The following ANO3 variants were observed in gnomAD, a reference collection of about 807,000 sequenced individuals.
ANO3 encodes the protein anoctamin 3.
Under a neutral mutation model 144.8 loss-of-function variants are expected in ANO3, and 99 were observed. That is an observed-to-expected ratio of 0.68 (90% CI 0.58 to 0.81). The LOEUF (loss-of-function observed/expected upper bound fraction) is 0.81. Ranked by LOEUF, ANO3 falls within the 30% of genes least tolerant of loss-of-function variation. ANO3 has a pLI of 0.00. For synonymous variants in ANO3, 414 were observed against 392.6 expected (o/e 1.05, Z -0.64); for missense variants, 905 against 1,202.2 (o/e 0.75, Z 3.66).
chr11:26,515,115 T>C (rs928024244), intron 5 of ANO3, among the ~76,000 whole-genome samples: 4 of 152,086 alleles, frequency 2.6e-5, no homozygotes, highest in Admixed American at 2.6e-4. Context: ...TATATTATGT[T>C]TACTTCTGGC....
intron 1 of ANO3, among the ~76,000 whole-genome samples, chr11:26,412,795 A>AGT (rs60855252): frequency 0.013 from 1,780 of 140,210 alleles, 31 homozygotes; most frequent in African/African-American, 0.037. Context: ...GAGAAAGGAA[A>AGT]GTGTGTGTGT....
In ANO3 at chr11:26,575,999, T is replaced by C. The variant is rs1365785256; in HGVS notation, c.1447+16220T>C. Among the ~76,000 whole-genome samples the C allele has an allele frequency of 2.0e-5, 3 of 152,234 alleles. No individual in the cohort carries two copies. In the East Asian group the frequency reaches 5.8e-4, roughly 29 times the overall value. The stretch of plus-strand genomic sequence containing the variant: ...AATGATACTTTTGCTGACGTGATCA[T>C]AGTCCGCACATGTTAGCAGAAAGAC... On this transcript the variant is annotated intron_variant, in intron 14 of 26. Coordinates refer to ENST00000256737, the MANE Select transcript of ANO3 (RefSeq NM_031418.4).
At chr11:26,472,803 C>T (rs973591531) in intron 4 of ANO3, among the ~76,000 whole-genome samples, 10 of 151,808 alleles carry the variant, frequency 6.6e-5, no homozygotes, top group African/African-American at 1.7e-4. Flanking sequence ...CATGTATTTC[C>T]GCACACAGCC....
At chr11:26,573,859 C>T (rs1451589612) in intron 14 of ANO3, among the ~76,000 whole-genome samples, 1 of 152,082 alleles carries the variant, frequency 6.6e-6, no homozygotes, top group Admixed American at 6.6e-5. Flanking sequence ...GTAAACTGTA[C>T]GTAAATTTAA....
At chr11:26,488,068 A>G (rs1372870601) in intron 4 of ANO3, among the ~76,000 whole-genome samples, 2 of 152,156 alleles carry the variant, frequency 1.3e-5, no homozygotes, top group Non-Finnish European at 2.9e-5. Context: ...GAGGAGGCTG[A>G]AGCAGGAGAA....
chr11:26,616,454 T>TG (rs1438872278), intron 17 of ANO3, among the ~76,000 whole-genome samples: 11 of 129,286 alleles, frequency 8.5e-5, no homozygotes, highest in South Asian at 2.7e-4. Flanking sequence ...TTTTTTTTTT[T>TG]GGTAATTTGT....
intron 1 of ANO3, among the ~76,000 whole-genome samples, chr11:26,346,471 G>C (rs745526496): frequency 1.3e-5 from 2 of 152,120 alleles, no homozygotes; most frequent in Non-Finnish European, 2.9e-5. Flanking sequence ...GACTCTCATT[G>C]CATGCTATTC....
chr11:26,218,764 G>A (rs931931360), intron 1 of ANO3, among the ~76,000 whole-genome samples: 1 of 152,022 alleles, frequency 6.6e-6, no homozygotes, highest in East Asian at 1.9e-4. Flanking sequence ...TTTCTTAAGG[G>A]AAAAAATATA....
intron 17 of ANO3, among the ~76,000 whole-genome samples, chr11:26,610,174 G>A (rs1852055258): frequency 6.6e-6 from 1 of 152,102 alleles, no homozygotes; most frequent in African/African-American, 2.4e-5. Flanking sequence ...GCCTTCCTAA[G>A]TGCTGGGATT....
In ANO3 at chr11:26,453,342, G is replaced by A. The variant is rs199894222; in HGVS notation, c.313+9506G>A. ...GCTGTATTCAGGAAACCCATCTCAC[G>A]TGCAGAGACACACATAGGCTCAAAA... is the stretch of plus-strand genomic sequence containing the variant. On this transcript the variant is annotated intron_variant, in intron 3 of 26. Transcript: ENST00000256737. 9.2e-5 allele frequency among the ~76,000 whole-genome samples: 14 copies of A among 151,660 alleles called. No individual in the cohort carries two copies. In the East Asian group the frequency reaches 1.4e-3, roughly 15 times the overall value.
chr11:26,283,227 C>T (rs66524557), intron 1 of ANO3, among the ~76,000 whole-genome samples: 15,432 of 148,080 alleles, frequency 0.1, 1,356 homozygotes, highest in African/African-American at 0.24. Flanking sequence ...CACATTTTTT[C>T]GTGTAGGAGC....
chr11:26,457,853 T>A (rs183488634), intron 3 of ANO3, among the ~76,000 whole-genome samples: 58 of 152,274 alleles, frequency 3.8e-4, no homozygotes, highest in Admixed American at 3.5e-3. Flanking sequence ...TAATCAGATT[T>A]ACTGTAACTG....
chr11:26,613,965 G>A (rs1852174335), intron 17 of ANO3, among the ~76,000 whole-genome samples: 1 of 152,196 alleles, frequency 6.6e-6, no homozygotes, highest in South Asian at 2.1e-4. Context: ...GGGTGTAATG[G>A]CACTGGGTGG....
At chr11:26,453,165 C>T (rs1020614410) in intron 3 of ANO3, among the ~76,000 whole-genome samples, 2 of 152,190 alleles carry the variant, frequency 1.3e-5, no homozygotes, top group Non-Finnish European at 2.9e-5. Context: ...GAAGACACTG[C>T]ATCAACTAAT....
At chr11:26,356,336 A>C (rs926899791) in intron 1 of ANO3, among the ~76,000 whole-genome samples, 1 of 152,190 alleles carries the variant, frequency 6.6e-6, no homozygotes, top group Non-Finnish European at 1.5e-5. Context: ...AATCACAATC[A>C]AGATAATGAA....
chr11:26,234,896 G>A (rs535396908), intron 1 of ANO3, among the ~76,000 whole-genome samples: 101 of 152,104 alleles, frequency 6.6e-4, no homozygotes, highest in African/African-American at 1.7e-3. Flanking sequence ...CAAATCCTAA[G>A]GCCTGAGGGC....
At chr11:26,272,740 C>G (rs1383589717) in intron 1 of ANO3, among the ~76,000 whole-genome samples, 1 of 152,138 alleles carries the variant, frequency 6.6e-6, no homozygotes, top group East Asian at 1.9e-4. Flanking sequence ...TCTGCCTGCA[C>G]AGGTTCTTAA....
intron 4 of ANO3, among the ~76,000 whole-genome samples, chr11:26,481,993 A>G (rs1860237129): frequency 6.6e-6 from 1 of 152,036 alleles, no homozygotes; most frequent in Non-Finnish European, 1.5e-5. Flanking sequence ...CCTGGGCTCA[A>G]GCATTCCACT....
intron 12 of ANO3, among the ~76,000 whole-genome samples, chr11:26,548,097 C>A (rs769719409): frequency 6.6e-6 from 1 of 151,930 alleles, no homozygotes. Context: ...CTCCTGAGTA[C>A]GTGACAAAAC....
Sources: gnomAD v4.1 joint callset for allele counts (sites outside exome capture counted in the v4.1 genomes callset) on GRCh38, gnomAD v4.1.1 for gene constraint, MANE v1.5 for transcripts, NCBI Gene and HGNC (gene_info 2026-07-23, HGNC 2026-07-21) for gene names.